Variants in CHD7 observed in about 807,000 individuals in gnomAD.
The protein encoded by CHD7 is ATP-dependent chromatin remodeler CHD7.
A neutral mutation model predicts 307.3 loss-of-function variants in CHD7; 24 were observed. The observed-to-expected ratio is 0.08, with a 90% CI of 0.06 to 0.11. The LOEUF (loss-of-function observed/expected upper bound fraction) is 0.11. Ranked by LOEUF, CHD7 falls within the 10% of genes least tolerant of loss-of-function variation. CHD7 has a pLI of 1.00. For missense variants in CHD7, 3,106 were observed against 3,727.1 expected (o/e 0.83, Z 4.34); for synonymous variants, 1,363 against 1,349.9 (o/e 1.01, Z -0.21).
chr8:60,853,469 CGAT>C lies in CHD7; in HGVS notation c.6745_6747del (p.Asp2249del). 1 of 1,516,534 alleles carries C rather than the reference CGAT, an allele frequency of 6.6e-7. No homozygotes were observed. Among genetic ancestry groups the C allele is most frequent in the East Asian group, 2.3e-5 (1 of 44,098 alleles). 93.9% of individuals were successfully genotyped at this position (1,516,534 alleles called of 1,614,324 possible). ...ATGAAGAGGAAAAGCTGGAGGATGA[CGAT>C]AAGTCGGAAGAGTCTTCCCAGCCCG... On this transcript the variant is annotated inframe_deletion, in exon 31 of 38. Coordinates refer to ENST00000423902, the MANE Select transcript of CHD7 (RefSeq NM_017780.4).
At position 60,682,088 on chromosome 8, in the gene CHD7, G is replaced by A. The variant is rs893391876; in HGVS notation, c.-175+3006G>A. Among the ~76,000 whole-genome samples, 153 of 152,176 alleles carry A rather than the reference G, an allele frequency of 1.0e-3. 1 individual carries two copies. Among genetic ancestry groups the A allele is most frequent in the Non-Finnish European group, 1.9e-3 (132 of 67,994 alleles). On this transcript the variant is annotated intron_variant, in intron 1 of 37. Coordinates refer to ENST00000423902, the MANE Select transcript of CHD7 (RefSeq NM_017780.4). ...CCAAATATTATTTTCCTCTTTCAAG[G>A]AAAGAAATAACTTTTTTTCCCAAGT...
chr8:60,821,019 G>T (rs1400057612), intron 9 of CHD7, among the ~76,000 whole-genome samples: 3 of 152,112 alleles, frequency 2.0e-5, no homozygotes, highest in Non-Finnish European at 4.4e-5. Flanking sequence ...CTGTTGATCT[G>T]CATTACCTGA....
intron 22 of CHD7, 22 bp from the exon 23 acceptor site, chr8:60,845,228 A>G (rs750971686): frequency 6.3e-7 from 1 of 1,598,486 alleles, no homozygotes; most frequent in South Asian, 1.1e-5. Flanking sequence ...GGCTTCTATT[A>G]TTATTATGAT....
intron 2 of CHD7, among the ~76,000 whole-genome samples, chr8:60,769,086 A>G (rs1229998222): frequency 6.6e-6 from 1 of 152,220 alleles, no homozygotes; most frequent in Non-Finnish European, 1.5e-5. Flanking sequence ...AAAAACCTCA[A>G]GTATAAATCC....
At chr8:60,850,858 C>T in intron 26 of CHD7, 174 bp from the exon 27 acceptor site, 1 of 677,554 alleles carries the variant, frequency 1.5e-6, no homozygotes, top group East Asian at 2.7e-5. Flanking sequence ...CTCCCCAGAC[C>T]CCCTCCACCA....
chr8:60,787,846 T>A (rs80229219), intron 3 of CHD7, among the ~76,000 whole-genome samples: 2 of 150,750 alleles, frequency 1.3e-5, no homozygotes, highest in Non-Finnish European at 3.0e-5. Context: ...TTTTTTTTTT[T>A]TTGAAACAGA....
chr8:60,767,285 G>T (rs1243503983), intron 2 of CHD7, among the ~76,000 whole-genome samples: 2 of 152,222 alleles, frequency 1.3e-5, no homozygotes, highest in African/African-American at 4.8e-5. Flanking sequence ...AGTGCTGGAG[G>T]AAGATGTGTT....
chr8:60,852,481 T>C lies in CHD7; in HGVS notation c.5895-17T>C. Reference sequence around the variant, plus strand: ...TTTCCTGAAGTATGATGCAAGCTAATATAATCTTTCTAACAGGTGGACAAG... The same window carrying C: ...TTTCCTGAAGTATGATGCAAGCTAACATAATCTTTCTAACAGGTGGACAAG... On this transcript the variant is annotated splice_polypyrimidine_tract_variant and intron_variant, in intron 29 of 37. Coordinates refer to ENST00000423902, the MANE Select transcript of CHD7 (RefSeq NM_017780.4). 1 of 1,602,310 alleles carries C rather than the reference T, an allele frequency of 6.2e-7. No homozygotes were observed. Among genetic ancestry groups the C allele is most frequent in the East Asian group, 2.2e-5 (1 of 44,820 alleles).
intron 2 of CHD7, among the ~76,000 whole-genome samples, chr8:60,744,737 C>A (rs1405894199): frequency 6.6e-6 from 1 of 151,470 alleles, no homozygotes; most frequent in East Asian, 1.9e-4. Flanking sequence ...TGCCTGTAGT[C>A]CCAGCTGCTT....
chr8:60,781,458 C>G, intron 3 of CHD7, 28 bp downstream of exon 3: 1 of 1,502,076 alleles, frequency 6.7e-7, no homozygotes, highest in South Asian at 1.3e-5. Context: ...AAAACAACTG[C>G]AAAACATTGA....
At chr8:60,737,800 C>T (rs917480348) in intron 1 of CHD7, among the ~76,000 whole-genome samples, 3 of 152,140 alleles carry the variant, frequency 2.0e-5, no homozygotes, top group African/African-American at 7.2e-5. Flanking sequence ...TGTAAAATGG[C>T]AACCTATATT....
chr8:60,860,880 C>G, intron 34 of CHD7, 24 bp from the exon 35 acceptor site: 1 of 1,563,254 alleles, frequency 6.4e-7, no homozygotes, highest in Non-Finnish European at 8.8e-7. Flanking sequence ...TGTGAGAATT[C>G]ATACCATTGT....
At chr8:60,862,882 A>G (rs1586463523) in intron 37 of CHD7, 1 of 518,192 alleles carries the variant, frequency 1.9e-6, no homozygotes, top group Non-Finnish European at 3.4e-6. Flanking sequence ...ACATACATTC[A>G]CAATCTTAGA....
intron 23 of CHD7, among the ~76,000 whole-genome samples, chr8:60,847,713 C>T (rs1805275121): frequency 6.6e-6 from 1 of 152,116 alleles, no homozygotes; most frequent in Admixed American, 6.5e-5. Flanking sequence ...ATGTTTTCGC[C>T]ATTGAGAAAC....
chr8:60,832,026 A>G (rs1804541746), intron 15 of CHD7, among the ~76,000 whole-genome samples: 1 of 151,636 alleles, frequency 6.6e-6, no homozygotes, highest in African/African-American at 2.4e-5. Context: ...ATATATACAC[A>G]GTTTTTTTTT....
chr8:60,838,057 A>G lies in CHD7; in HGVS notation c.4354-19A>G, dbSNP rs1038951788. Reference sequence around the variant, plus strand: ...AATTTTAAATTATTTTGAGTATTTTAAATATTTCTCTAAAACAGGTACAAC... The same window carrying G: ...AATTTTAAATTATTTTGAGTATTTTGAATATTTCTCTAAAACAGGTACAAC... On this transcript the variant is annotated intron_variant, in intron 18 of 37. Coordinates refer to ENST00000423902, the MANE Select transcript of CHD7 (RefSeq NM_017780.4). 1 of 1,453,774 alleles carries G rather than the reference A, an allele frequency of 6.9e-7. No individual in the cohort carries two copies. The highest frequency in any genetic ancestry group is 2.8e-5 in the Admixed American group (1 of 36,022). The allele number at this position is 1,453,774 out of a possible 1,614,324, so 90.1% of individuals were successfully genotyped here. A position where few individuals can be genotyped will look rare whatever the true frequency, so the allele number is the denominator to read the frequency against.
At chr8:60,707,212 G>A (rs1252221457) in intron 1 of CHD7, among the ~76,000 whole-genome samples, 2 of 152,196 alleles carry the variant, frequency 1.3e-5, no homozygotes, top group Admixed American at 6.5e-5. Flanking sequence ...TATGGTCTTG[G>A]AACTTGCTTA....
At position 60,810,782 on chromosome 8, in the gene CHD7, C is replaced by G. The variant is rs1226289820; in HGVS notation, c.2498+2510C>G. Among the ~76,000 whole-genome samples the G allele has an allele frequency of 2.6e-5, 4 of 152,040 alleles. 1 individual carries two copies. The highest frequency in any genetic ancestry group is 5.9e-5 in the Non-Finnish European group (4 of 68,014). ...TGGGTTGGTTATTCTCTTTTCCTAC[C>G]CCACCAGTGTGGTTTGTTATTTATT... On this transcript the variant is annotated intron_variant, in intron 7 of 37. Transcript: ENST00000423902.
intron 1 of CHD7, among the ~76,000 whole-genome samples, chr8:60,727,020 G>C (rs1325165331): frequency 6.6e-6 from 1 of 152,148 alleles, no homozygotes; most frequent in Non-Finnish European, 1.5e-5. Flanking sequence ...TGCTTACATA[G>C]TGCTTTCTAA....
Sources: gnomAD v4.1 joint callset for allele counts (sites outside exome capture counted in the v4.1 genomes callset) on GRCh38, gnomAD v4.1.1 for gene constraint, MANE v1.5 for transcripts, NCBI Gene and HGNC (gene_info 2026-07-23, HGNC 2026-07-21) for gene names.